HDX: variants seen among roughly 807,000 people sequenced by gnomAD.
HDX encodes highly divergent homeobox.
In HDX, 19 loss-of-function variants were observed where a neutral mutation model predicts 45.2. The observed-to-expected ratio is 0.42, with a 90% confidence interval of 0.29 to 0.62. HDX has a LOEUF of 0.62. Among genes scored for constraint, HDX ranks in the 20% least tolerant of loss-of-function variants. The pLI, the probability that HDX is intolerant of heterozygous loss-of-function variation, is 0.20. For missense variants in HDX, 532 were observed against 493.9 expected, an observed-to-expected ratio of 1.08 and a Z score of -0.73; for synonymous variants, 188 against 172.8, an observed-to-expected ratio of 1.09 and a Z score of -0.69.
intron 5 of HDX, among the ~76,000 whole-genome samples, chrX:84,413,696 A>G (rs189220885): frequency 1.3e-4 from 14 of 111,862 alleles, no homozygotes; most frequent in African/African-American, 4.5e-4. Flanking sequence ...ATGACATCGT[A>G]TTATTCCTCT....
intron 6 of HDX, among the ~76,000 whole-genome samples, chrX:84,352,347 C>T (rs765910293): frequency 8.9e-6 from 1 of 111,940 alleles, no homozygotes; most frequent in African/African-American, 3.2e-5. Context: ...ACTTTGTACA[C>T]ACCAAAGAGA....
At chrX:84,377,697 A>T (rs899213913) in intron 5 of HDX, among the ~76,000 whole-genome samples, 3 of 111,016 alleles carry the variant, frequency 2.7e-5, no homozygotes, top group African/African-American at 9.8e-5. Context: ...AATAATACAC[A>T]GTCAGAGGGA....
chrX:84,401,729 T>G (rs993533454), intron 5 of HDX, among the ~76,000 whole-genome samples: 3 of 112,097 alleles, frequency 2.7e-5, no homozygotes, highest in Non-Finnish European at 5.6e-5. Context: ...GCAATATAAA[T>G]TATTCTGGTA....
Position 84,468,473 on chromosome X carries a change from T to A in HDX, c.1250A>T (p.Gln417Leu). The A allele has an allele frequency of 8.9e-7, 1 of 1,118,947 alleles. No individual in the cohort carries two copies. The highest frequency in any genetic ancestry group is 1.2e-6 in the Non-Finnish European group (1 of 832,092). 92.2% of individuals were successfully genotyped at this position (1,118,947 alleles called of 1,213,427 possible). A position where few individuals can be genotyped will look rare whatever the true frequency, so the allele number is the denominator to read the frequency against. ...TTATAAAATAAATTTACACATTACC[T>A]GGTAATTGTTTTGGTTTTGTGATAA... ...LRLSQNQNNY[Q>L]ISGNLTVPWI... The change falls in exon 4 of 11, where the codon CAG becomes CTG. Residue 417 changes from glutamine (Q) to leucine (L), a missense_variant and splice_region_variant. Physicochemically the swap from Gln to Leu is moderately radical, Grantham distance 113 (BLOSUM62 -2). Around this residue, in one of 3 missense-constraint regions of HDX, gnomAD observed 376 missense variants for 343.7 expected, o/e 1.09. Coordinates refer to ENST00000373177, the MANE Select transcript of HDX (RefSeq NM_001177479.2).
At chrX:84,389,775 G>A (rs1436292631) in intron 5 of HDX, among the ~76,000 whole-genome samples, 6 of 110,775 alleles carry the variant, frequency 5.4e-5, no homozygotes, top group African/African-American at 1.6e-4. Context: ...GCTCTCCACC[G>A]GAGCTGCCCA....
chrX:84,432,120 A>G (rs779089273), intron 5 of HDX, among the ~76,000 whole-genome samples: 1 of 111,193 alleles, frequency 9.0e-6, no homozygotes, highest in Non-Finnish European at 1.9e-5. Flanking sequence ...GTTTTTGCCA[A>G]CTTTGTCAAA....
intron 6 of HDX, among the ~76,000 whole-genome samples, chrX:84,353,788 G>T: frequency 9.0e-6 from 1 of 111,419 alleles, no homozygotes; most frequent in Non-Finnish European, 1.9e-5. Context: ...AGCGTCTGAA[G>T]TTTCCATCCT....
At chrX:84,483,103 G>A (rs1297062064) in intron 2 of HDX, among the ~76,000 whole-genome samples, 1 of 111,258 alleles carries the variant, frequency 9.0e-6, no homozygotes, top group African/African-American at 3.3e-5. Context: ...GCTTTGCAGG[G>A]TACAGCGCCC....
intron 5 of HDX, among the ~76,000 whole-genome samples, chrX:84,382,838 A>G (rs1468737677): frequency 9.0e-6 from 1 of 111,342 alleles, no homozygotes; most frequent in Non-Finnish European, 1.9e-5. Flanking sequence ...TTTTAAAATA[A>G]CTAAAAGAGT....
At chrX:84,356,016 A>G (rs2037472478) in intron 6 of HDX, among the ~76,000 whole-genome samples, 1 of 110,620 alleles carries the variant, frequency 9.0e-6, no homozygotes, top group South Asian at 3.9e-4. Flanking sequence ...CACATAATTA[A>G]CAATCATTGA....
Position 84,329,442 on chromosome X carries a change from G to A in HDX, c.1825-3142C>T, listed in dbSNP as rs188386048. On this transcript the variant is annotated intron_variant, in intron 9 of 10. Coordinates refer to ENST00000373177, the MANE Select transcript of HDX (RefSeq NM_001177479.2). ...GAAATTCAACATAATCTTTCTTAAC[G>A]TAAGACTCAGCAATCCTACTTGAGG... 6.6e-4 allele frequency among the ~76,000 whole-genome samples: 55 copies of A among 83,439 alleles called. No individual in the cohort carries two copies. The East Asian group carries it at 0.02, about 31-fold the overall frequency. 72.5% of individuals were successfully genotyped at this position (83,439 alleles called of 115,157 possible). A position where few individuals can be genotyped will look rare whatever the true frequency, so the allele number is the denominator to read the frequency against.
intron 5 of HDX, among the ~76,000 whole-genome samples, chrX:84,432,762 T>C (rs2039533848): frequency 9.0e-6 from 1 of 111,377 alleles, no homozygotes; most frequent in African/African-American, 3.3e-5. Flanking sequence ...AACCATATCA[T>C]CTGCAAACAG....
chrX:84,406,777 G>A (rs958394683), intron 5 of HDX, among the ~76,000 whole-genome samples: 1 of 110,055 alleles, frequency 9.1e-6, no homozygotes, highest in African/African-American at 3.3e-5. Flanking sequence ...GACTCAGAAG[G>A]CTTTCTTACT....
chrX:84,372,147 T>G (rs1034424502), intron 5 of HDX, among the ~76,000 whole-genome samples: 7 of 111,631 alleles, frequency 6.3e-5, no homozygotes, highest in Non-Finnish European at 1.3e-4. Context: ...CAAAGAATTA[T>G]AGAAAAAGAG....
chrX:84,462,124 C>T (rs767503902), intron 4 of HDX, among the ~76,000 whole-genome samples: 4 of 111,633 alleles, frequency 3.6e-5, no homozygotes, highest in South Asian at 3.7e-4. Context: ...CCTCAGCAAA[C>T]TAAAAATAGA....
intron 5 of HDX, among the ~76,000 whole-genome samples, chrX:84,374,519 T>G (rs190247346): frequency 0.011 from 1,154 of 105,285 alleles, 12 homozygotes; most frequent in East Asian, 0.047. Flanking sequence ...ATACTACAAG[T>G]CTACAGTAAC....
chrX:84,339,624 T>G (rs1226851140), intron 7 of HDX, among the ~76,000 whole-genome samples: 2 of 111,658 alleles, frequency 1.8e-5, no homozygotes, highest in Middle Eastern at 4.2e-3. Context: ...CTAAACACTA[T>G]CTACGTGCCT....
At chrX:84,497,370 G>GAAATAATTGA (rs2041024065) in intron 1 of HDX, among the ~76,000 whole-genome samples, 1 of 111,646 alleles carries the variant, frequency 9.0e-6, no homozygotes, top group Non-Finnish European at 1.9e-5. Context: ...GGTACATTAA[G>GAAATAATTGA]CTAGCCAAAT....
chrX:84,322,072 A>C (rs1488560148), intron 10 of HDX, 58 bp from the exon 11 acceptor site: 4 of 749,600 alleles, frequency 5.3e-6, no homozygotes, highest in Non-Finnish European at 7.4e-6. Flanking sequence ...TTTCCAATTT[A>C]TATTAATAGT....
Sources: allele counts gnomAD v4.1 joint callset (sites outside exome capture counted in the v4.1 genomes callset), GRCh38; gene constraint gnomAD v4.1.1; regional missense constraint gnomAD v4.1.1; transcripts MANE v1.5; gene names NCBI Gene and HGNC (gene_info 2026-07-23, HGNC 2026-07-21).